MFAP1: variants seen among roughly 807,000 people sequenced by gnomAD.
MFAP1 encodes microfibrillar-associated protein 1.
MFAP1 carries 18 observed loss-of-function variants against 62.2 expected under a neutral mutation model. The observed-to-expected ratio is 0.29, with a 90% CI of 0.20 to 0.43. MFAP1 has a LOEUF of 0.43. Among genes scored for constraint, MFAP1 ranks in the 20% least tolerant of loss-of-function variants. MFAP1 has a pLI of 1.00. For missense variants in MFAP1, 355 were observed against 559.7 expected (o/e 0.63, Z 3.69); for synonymous variants, 175 against 180.4 (o/e 0.97, Z 0.24).
chr15:43,805,616 C>CTTT, intron 7 of MFAP1, 151 bp from the exon 8 acceptor site: 4 of 509,034 alleles, frequency 7.9e-6, no homozygotes, highest in Non-Finnish European at 1.3e-5. Context: ...AGATGACATT[C>CTTT]TTTTTTTTTT....
At chr15:43,823,737 T>C (rs2087481828) in intron 1 of MFAP1, among the ~76,000 whole-genome samples, 1 of 152,194 alleles carries the variant, frequency 6.6e-6, no homozygotes, top group Admixed American at 6.5e-5. Flanking sequence ...AAAGTGTGGA[T>C]TACAGTTTAT....
intron 6 of MFAP1, among the ~76,000 whole-genome samples, chr15:43,810,602 C>T (rs1567176091): frequency 6.6e-6 from 1 of 152,016 alleles, no homozygotes; most frequent in African/African-American, 2.4e-5. Context: ...CTCCTGACCT[C>T]GTGATCCGCC....
chr15:43,811,091 C>T (rs1432327422), intron 6 of MFAP1, among the ~76,000 whole-genome samples: 4 of 149,950 alleles, frequency 2.7e-5, no homozygotes, highest in African/African-American at 4.9e-5. Context: ...GACTCCTACT[C>T]CTACAGGTCC....
chr15:43,815,153 G>C (rs913323226), intron 2 of MFAP1, 79 bp from the exon 3 acceptor site: 38 of 1,564,234 alleles, frequency 2.4e-5, no homozygotes, highest in South Asian at 1.6e-4. Flanking sequence ...TAGCCACAGA[G>C]CACATTATGT....
chr15:43,807,731 G>A (rs1453320178), intron 7 of MFAP1, among the ~76,000 whole-genome samples: 1 of 152,076 alleles, frequency 6.6e-6, no homozygotes, highest in Non-Finnish European at 1.5e-5. Flanking sequence ...CATCTCTCTC[G>A]TCAGAACCCC....
At chr15:43,810,338 TC>T (rs1284293076) in intron 6 of MFAP1, among the ~76,000 whole-genome samples, 16 of 151,914 alleles carry the variant, frequency 1.1e-4, no homozygotes, top group African/African-American at 3.9e-4. Flanking sequence ...AAGATTACCA[TC>T]ATTAATTAGA....
At chr15:43,815,249 G>A (rs2087427259) in intron 2 of MFAP1, among the ~76,000 whole-genome samples, 175 bp from the exon 3 acceptor site, 1 of 151,752 alleles carries the variant, frequency 6.6e-6, no homozygotes, top group African/African-American at 2.4e-5. Context: ...GTGCGATCTT[G>A]GCTCACTGCC....
At chr15:43,807,493 C>G (rs1348524667) in intron 7 of MFAP1, among the ~76,000 whole-genome samples, 1 of 151,278 alleles carries the variant, frequency 6.6e-6, no homozygotes, top group Non-Finnish European at 1.5e-5. Context: ...TGACTACAGG[C>G]GCCCGCCACC....
chr15:43,813,188 C>T (rs1219732735), intron 5 of MFAP1, 41 bp from the exon 6 acceptor site: 1 of 1,614,070 alleles, frequency 6.2e-7, no homozygotes, highest in Non-Finnish European at 8.5e-7. Flanking sequence ...TCCTTACTCT[C>T]CTCAGACAAA....
At chr15:43,806,883 A>C (rs2087369507) in intron 7 of MFAP1, among the ~76,000 whole-genome samples, 1 of 151,638 alleles carries the variant, frequency 6.6e-6, no homozygotes, top group African/African-American at 2.4e-5. Flanking sequence ...AAAATAAATA[A>C]ATAAATAAAT....
In MFAP1 at chr15:43,813,059, T is replaced by A; in HGVS notation, c.815A>T (p.Asp272Val). The A allele has an allele frequency of 6.2e-7, 1 of 1,614,208 alleles. No homozygotes were observed. Among genetic ancestry groups the A allele is most frequent in the East Asian group, 2.2e-5 (1 of 44,890 alleles). Residue 272 changes from aspartate (D) to valine (V), a missense_variant, in exon 6 of 9, where the codon GAT (aspartate) becomes GTT (valine). Physicochemically the swap from Asp to Val is radical, Grantham distance 152. Transcript: ENST00000267812. ...LDALNTDDEN[D>V]EEEYEAWKVR... Reference sequence around the variant, plus strand: ...TTTCCATGCCTCATATTCCTCCTCATCATTTTCATCATCAGTATTGAGTGC... The same window carrying A: ...TTTCCATGCCTCATATTCCTCCTCAACATTTTCATCATCAGTATTGAGTGC...
intron 2 of MFAP1, among the ~76,000 whole-genome samples, chr15:43,815,431 G>A (rs1313228657): frequency 6.6e-6 from 1 of 152,120 alleles, no homozygotes; most frequent in East Asian, 1.9e-4. Context: ...GCCCACCTCA[G>A]CCTCTCAAAG....
At chr15:43,811,524 T>C (rs912817448) in intron 6 of MFAP1, among the ~76,000 whole-genome samples, 14 of 150,196 alleles carry the variant, frequency 9.3e-5, no homozygotes, top group Non-Finnish European at 1.3e-4. Flanking sequence ...TTTTTTTTTT[T>C]CCAGATAGAG....
chr15:43,814,701 A>G lies in MFAP1; in HGVS notation c.430-13T>C. The G allele has an allele frequency of 6.2e-7, 1 of 1,613,028 alleles. No homozygotes were observed. Among genetic ancestry groups the G allele is most frequent in the East Asian group, 2.2e-5 (1 of 44,888 alleles). ...GCCGCTCTATTTCCTATCAAGTCAT[A>G]TATATAAGCCAGTCAGTCAAATGGC... On this transcript the variant is annotated splice_polypyrimidine_tract_variant and intron_variant, in intron 3 of 8. Transcript: ENST00000267812.
intron 6 of MFAP1, among the ~76,000 whole-genome samples, chr15:43,812,208 T>G (rs567140601): frequency 6.6e-5 from 10 of 151,914 alleles, no homozygotes; most frequent in African/African-American, 2.2e-4. Flanking sequence ...AAAAAAAGAT[T>G]CTGCTCTAAC....
chr15:43,807,890 T>A (rs895727094), intron 7 of MFAP1, among the ~76,000 whole-genome samples: 3 of 152,196 alleles, frequency 2.0e-5, no homozygotes, highest in Non-Finnish European at 4.4e-5. Flanking sequence ...TGCTCTTGCC[T>A]GTAATCCCAG....
chr15:43,812,925 G>C (rs2087410857), intron 6 of MFAP1, 62 bp downstream of exon 6: 1 of 1,576,082 alleles, frequency 6.3e-7, no homozygotes, highest in African/African-American at 1.4e-5. Context: ...GAGTCTCAGA[G>C]CTATCCTGCT....
intron 7 of MFAP1, among the ~76,000 whole-genome samples, chr15:43,807,921 G>C (rs966259160): frequency 2.6e-5 from 4 of 152,178 alleles, no homozygotes; most frequent in Admixed American, 2.6e-4. Context: ...GGCCAAGGTG[G>C]AAGGAGAGTT....
Position 43,809,740 on chromosome 15 carries a change from C to CT in MFAP1, c.1047+14dup. 6.2e-7 allele frequency: 1 copy of CT among 1,610,606 alleles called. No individual in the cohort carries two copies. Among genetic ancestry groups the CT allele is most frequent in the Non-Finnish European group, 8.5e-7 (1 of 1,177,490 alleles). The stretch of plus-strand genomic sequence containing the variant: ...TCCTACTGCCCAATTTTCTGACTCT[C>CT]TTTTCACTTCTTACCATGAAGAAGG... On this transcript the variant is annotated intron_variant, in intron 7 of 8. Transcript: ENST00000267812.
Sources: allele counts gnomAD v4.1 joint callset (sites outside exome capture counted in the v4.1 genomes callset), GRCh38; gene constraint gnomAD v4.1.1; transcripts MANE v1.5; gene names NCBI Gene and HGNC (gene_info 2026-07-23, HGNC 2026-07-21).